Variants in TRIM14 observed in about 807,000 individuals in gnomAD.
The protein encoded by TRIM14 is tripartite motif containing 14.
Under a neutral mutation model 44.5 loss-of-function variants are expected in TRIM14, and 28 were observed. That is an observed-to-expected ratio of 0.63 (90% CI 0.47 to 0.86). The LOEUF (loss-of-function observed/expected upper bound fraction) is 0.86, where lower values mean the gene tolerates loss of function less well. Among genes scored for constraint, TRIM14 ranks in the 40% least tolerant of loss-of-function variants. The pLI, the probability that TRIM14 is intolerant of heterozygous loss-of-function variation, is 0.00. For synonymous variants in TRIM14, 299 were observed against 269.2 expected (o/e 1.11, Z -1.08); for missense variants, 607 against 611.1 (o/e 0.99, Z 0.07).
At chr9:98,046,183 C>T in the TRIM14 span, among the ~76,000 whole-genome samples, 5 of 151,986 alleles carry the variant, frequency 3.3e-5, no homozygotes, top group Non-Finnish European at 5.9e-5. Context: ...CAAGGGAACC[C>T]GAGAGCAAAC....
intron 2 of TRIM14, among the ~76,000 whole-genome samples, chr9:98,104,297 G>T (rs1035686495): frequency 2.0e-5 from 3 of 152,174 alleles, no homozygotes; most frequent in African/African-American, 7.2e-5. Context: ...AGTACACAGA[G>T]GACCTTTGCA....
chr9:98,074,308 A>G (rs1250400205), intron 6 of TRIM14, among the ~76,000 whole-genome samples: 1 of 152,096 alleles, frequency 6.6e-6, no homozygotes, highest in African/African-American at 2.4e-5. Context: ...ACTTTGTGCT[A>G]TGGGGCAGGA....
chr9:98,092,425 GC>G, intron 4 of TRIM14: 19 of 314,440 alleles, frequency 6.0e-5, no homozygotes, highest in Admixed American at 1.6e-4. Flanking sequence ...TGCCTGGACA[GC>G]CCCCCCACAC....
At position 98,087,278 on chromosome 9, in the gene TRIM14, A is replaced by T; in HGVS notation, c.*192T>A. On this transcript the variant is annotated 3_prime_UTR_variant, in exon 6 of 6. Transcript: ENST00000341469. ...TGAGAGGGCAGCAGCAGACTTGTTT[A>T]GGGCCTGTTTGAAACTAGCCTAGGA... 2 of 897,844 alleles carry T rather than the reference A, an allele frequency of 2.2e-6. No homozygotes were observed. Among genetic ancestry groups the T allele is most frequent in the East Asian group, 2.4e-5 (1 of 41,628 alleles). 55.6% of individuals were successfully genotyped at this position (897,844 alleles called of 1,614,324 possible).
downstream of TRIM14, among the ~76,000 whole-genome samples, chr9:98,082,353 G>C (rs1429746499): frequency 6.6e-6 from 1 of 152,170 alleles, no homozygotes. Context: ...CATCTTGGCT[G>C]TCTGCAACCC....
the TRIM14 span, among the ~76,000 whole-genome samples, chr9:98,059,026 T>C: frequency 1.3e-5 from 2 of 150,760 alleles, no homozygotes; most frequent in African/African-American, 4.8e-5. Flanking sequence ...CCAAGAAGTT[T>C]TTATTTTTTT....
chr9:98,049,758 T>C, the TRIM14 span, among the ~76,000 whole-genome samples: 1 of 152,182 alleles, frequency 6.6e-6, no homozygotes, highest in African/African-American at 2.4e-5. Flanking sequence ...CTCCTGTCTC[T>C]TCTTGTAACT....
the TRIM14 span, among the ~76,000 whole-genome samples, chr9:98,050,287 A>G: frequency 0.34 from 51,396 of 152,016 alleles, 11,578 homozygotes; most frequent in African/African-American, 0.63. Flanking sequence ...CCCCCTTTTG[A>G]TCATTTTCTC....
the TRIM14 span, among the ~76,000 whole-genome samples, chr9:98,050,400 G>A: frequency 1.2e-4 from 18 of 152,330 alleles, no homozygotes; most frequent in Non-Finnish European, 2.5e-4. Flanking sequence ...AGAACAGTGA[G>A]TTTTGCAAGG....
At chr9:98,101,005 G>C (rs1826368506) in intron 2 of TRIM14, among the ~76,000 whole-genome samples, 1 of 152,094 alleles carries the variant, frequency 6.6e-6, no homozygotes. Context: ...TTGAGAAGGA[G>C]TTTCACTCTT....
In TRIM14 at chr9:98,075,727, T is replaced by C. The variant is rs139814676; in HGVS notation, c.*29-6040A>G. On this transcript the variant is annotated intron_variant, in intron 6 of 6. Coordinates refer to the TRIM14 transcript ENST00000375098. ...AAAACAAAGGGACTCAAGAAAACTT[T>C]TGAAGGTGATGTGTATGTTTATTAC... 3 of 152,300 alleles carry C rather than the reference T, an allele frequency of 2.0e-5. No homozygotes were observed. The South Asian group carries it at 6.2e-4, about 32-fold the overall frequency. The allele number at this position is 152,300 out of a possible 1,614,324, so 9.4% of individuals were successfully genotyped here.
intron 3 of TRIM14, among the ~76,000 whole-genome samples, chr9:98,098,318 C>T (rs762237800): frequency 1.2e-4 from 18 of 152,178 alleles, no homozygotes; most frequent in Non-Finnish European, 2.1e-4. Context: ...AAGAAGGAAA[C>T]AGGAGGAGCT....
intron 2 of TRIM14, among the ~76,000 whole-genome samples, 154 bp from the exon 3 acceptor site, chr9:98,100,318 G>C (rs1270274685): frequency 4.6e-5 from 7 of 152,110 alleles, no homozygotes; most frequent in Admixed American, 3.9e-4. Context: ...GCTTTCCTAA[G>C]CACCAGCCCA....
intron 1 of TRIM14, among the ~76,000 whole-genome samples, chr9:98,118,083 A>G (rs1827116615): frequency 6.6e-6 from 1 of 152,146 alleles, no homozygotes; most frequent in Non-Finnish European, 1.5e-5. Context: ...AGAAAGGCTC[A>G]CGATGGGGCT....
At chr9:98,075,824 G>A (rs1778413529) in intron 6 of TRIM14, 1 of 152,224 alleles carries the variant, frequency 6.6e-6, no homozygotes. Context: ...GCAGTTTTTA[G>A]TATATCAATT....
chr9:98,043,647 T>G, the TRIM14 span, among the ~76,000 whole-genome samples: 3 of 149,414 alleles, frequency 2.0e-5, no homozygotes, highest in Admixed American at 6.7e-5. Context: ...CAGACACACA[T>G]ACACACACAC....
the TRIM14 span, among the ~76,000 whole-genome samples, chr9:98,047,206 T>A: frequency 1.3e-5 from 2 of 152,206 alleles, no homozygotes; most frequent in East Asian, 1.9e-4. Flanking sequence ...TAAGGGGAAA[T>A]CCCTTTTGCT....
At chr9:98,107,922 C>G (rs1283098607) in intron 2 of TRIM14, among the ~76,000 whole-genome samples, 1 of 152,066 alleles carries the variant, frequency 6.6e-6, no homozygotes, top group Non-Finnish European at 1.5e-5. Context: ...CCTGCCTCAG[C>G]CTACCAAAGT....
chr9:98,094,495 T>A (rs1280444355), intron 4 of TRIM14, among the ~76,000 whole-genome samples: 1 of 152,000 alleles, frequency 6.6e-6, no homozygotes, highest in African/African-American at 2.4e-5. Flanking sequence ...GCTTCCCAGG[T>A]GGGCGCAGCT....
Sources: gnomAD v4.1 joint callset for allele counts (sites outside exome capture counted in the v4.1 genomes callset) on GRCh38, gnomAD v4.1.1 for gene constraint, MANE v1.5 for transcripts, NCBI Gene and HGNC (gene_info 2026-07-23, HGNC 2026-07-21) for gene names.